CNTNAP2: variants seen among roughly 807,000 people sequenced by gnomAD.
CNTNAP2 encodes contactin associated protein 2.
In CNTNAP2, 98 loss-of-function variants were observed where a neutral mutation model predicts 155.2. The observed-to-expected ratio is 0.63, with a 90% confidence interval of 0.54 to 0.75. The LOEUF is 0.75. Ranked by LOEUF, CNTNAP2 falls within the 30% of genes least tolerant of loss-of-function variation. CNTNAP2 has a pLI of 0.00. For synonymous variants in CNTNAP2, 651 were observed against 631.2 expected (o/e 1.03, Z -0.47); for missense variants, 1,727 against 1,688.1 (o/e 1.02, Z -0.40).
At chr7:147,803,198 G>A (rs1798035318) in intron 13 of CNTNAP2, among the ~76,000 whole-genome samples, 2 of 152,124 alleles carry the variant, frequency 1.3e-5, no homozygotes, top group South Asian at 4.1e-4. Flanking sequence ...TTCAGTTTCT[G>A]ACTTTATTTA....
At chr7:148,025,180 C>T (rs1346776505) in intron 15 of CNTNAP2, among the ~76,000 whole-genome samples, 1 of 152,178 alleles carries the variant, frequency 6.6e-6, no homozygotes, top group African/African-American at 2.4e-5. Context: ...AGATTTGTAA[C>T]TTCTCCAACT....
intron 13 of CNTNAP2, among the ~76,000 whole-genome samples, chr7:147,670,372 G>C (rs925543656): frequency 6.6e-6 from 1 of 152,164 alleles, no homozygotes; most frequent in East Asian, 1.9e-4. Flanking sequence ...AGGCAGAAAA[G>C]GGTGGATCCC....
chr7:146,581,794 C>G (rs1457594248), intron 1 of CNTNAP2, among the ~76,000 whole-genome samples: 1 of 152,028 alleles, frequency 6.6e-6, no homozygotes, highest in Non-Finnish European at 1.5e-5. Flanking sequence ...TGCTAAGGTA[C>G]AGAGGAAATC....
chr7:147,044,166 T>G, intron 4 of CNTNAP2, 112 bp downstream of exon 4: 2 of 1,177,150 alleles, frequency 1.7e-6, no homozygotes, highest in Non-Finnish European at 2.5e-6. Context: ...TAAACTACCT[T>G]CTCATTTACA....
chr7:147,981,543 A>G (rs557507258), intron 15 of CNTNAP2, among the ~76,000 whole-genome samples: 1 of 152,300 alleles, frequency 6.6e-6, no homozygotes, highest in East Asian at 1.9e-4. Flanking sequence ...AGCCCTCAGA[A>G]CCTGCCTCTT....
At chr7:146,205,769 A>T (rs1357784353) in intron 1 of CNTNAP2, among the ~76,000 whole-genome samples, 4 of 151,928 alleles carry the variant, frequency 2.6e-5, no homozygotes, top group Non-Finnish European at 4.4e-5. Flanking sequence ...GAATGTTTCA[A>T]GAGACTTGCT....
intron 1 of CNTNAP2, among the ~76,000 whole-genome samples, chr7:146,415,703 TA>T (rs965886013): frequency 1.6e-4 from 24 of 150,738 alleles, no homozygotes; most frequent in African/African-American, 5.7e-4. Flanking sequence ...TAAAAAAATT[TA>T]AAAAAAATTT....
intron 1 of CNTNAP2, among the ~76,000 whole-genome samples, chr7:146,463,107 T>A (rs2129125133): frequency 6.6e-6 from 1 of 151,742 alleles, no homozygotes. Flanking sequence ...TGGGAAGAAA[T>A]AGAGGGAGGA....
At chr7:148,390,833 G>A (rs1367595164) in intron 22 of CNTNAP2, among the ~76,000 whole-genome samples, 1 of 152,018 alleles carries the variant, frequency 6.6e-6, no homozygotes, top group East Asian at 1.9e-4. Context: ...ATGTCCTTTG[G>A]GCTCTATCAG....
intron 8 of CNTNAP2, among the ~76,000 whole-genome samples, chr7:147,223,961 G>GAAAGAAAAAAGA (rs1232961000): frequency 6.8e-6 from 1 of 147,892 alleles, no homozygotes. Flanking sequence ...AAAAAAGAAA[G>GAAAGAAAAAAGA]AAAGAAAAAA....
intron 14 of CNTNAP2, among the ~76,000 whole-genome samples, chr7:147,969,547 C>T (rs1310237730): frequency 6.6e-6 from 1 of 152,242 alleles, no homozygotes; most frequent in African/African-American, 2.4e-5. Flanking sequence ...CTCATTAAGG[C>T]ATTGCTTCTA....
chr7:146,963,568 A>T (rs1184983132), intron 3 of CNTNAP2, among the ~76,000 whole-genome samples: 2 of 152,186 alleles, frequency 1.3e-5, no homozygotes, highest in Admixed American at 6.5e-5. Flanking sequence ...TTTCAAGAAT[A>T]AAACACAATG....
intron 21 of CNTNAP2, among the ~76,000 whole-genome samples, chr7:148,293,424 A>G (rs1797228196): frequency 6.6e-6 from 1 of 152,216 alleles, no homozygotes; most frequent in African/African-American, 2.4e-5. Context: ...AGAATTGGGC[A>G]CGGTAAGTCA....
intron 8 of CNTNAP2, among the ~76,000 whole-genome samples, chr7:147,256,384 A>T (rs1402672520): frequency 6.6e-6 from 1 of 152,190 alleles, no homozygotes; most frequent in Non-Finnish European, 1.5e-5. Flanking sequence ...GTATTCATTT[A>T]GGGACATTTA....
intron 8 of CNTNAP2, among the ~76,000 whole-genome samples, chr7:147,253,383 GTTTTTT>G (rs556721401): frequency 8.4e-6 from 1 of 118,570 alleles, no homozygotes; most frequent in South Asian, 2.9e-4. Context: ...CAGGTTCTCT[GTTTTTT>G]TTTTTTTTTT....
At chr7:147,182,685 C>T (rs1369932629) in intron 8 of CNTNAP2, among the ~76,000 whole-genome samples, 1 of 151,862 alleles carries the variant, frequency 6.6e-6, no homozygotes, top group African/African-American at 2.4e-5. Context: ...TTGAACCTTG[C>T]TTTCTTAAAT....
At chr7:146,382,296 G>A (rs1461590089) in intron 1 of CNTNAP2, among the ~76,000 whole-genome samples, 4 of 152,068 alleles carry the variant, frequency 2.6e-5, no homozygotes, top group Admixed American at 6.6e-5. Flanking sequence ...AAAGAATAGT[G>A]CATAGAAAAA....
At chr7:148,310,980 G>A (rs756970426) in intron 21 of CNTNAP2, among the ~76,000 whole-genome samples, 1 of 152,154 alleles carries the variant, frequency 6.6e-6, no homozygotes, top group Non-Finnish European at 1.5e-5. Context: ...GAAGAGTAAA[G>A]GAACATCGAG....
chr7:147,736,716 C>A (rs1013585359), intron 13 of CNTNAP2, among the ~76,000 whole-genome samples: 1 of 152,132 alleles, frequency 6.6e-6, no homozygotes, highest in South Asian at 2.1e-4. Context: ...AGGCTTTGTT[C>A]GTTTCTTTTT....
Sources: gnomAD v4.1 joint callset for allele counts (sites outside exome capture counted in the v4.1 genomes callset) on GRCh38, gnomAD v4.1.1 for gene constraint, MANE v1.5 for transcripts, NCBI Gene and HGNC (gene_info 2026-07-23, HGNC 2026-07-21) for gene names.